ARL13B: variants seen among roughly 807,000 people sequenced by gnomAD.
The protein encoded by ARL13B is ADP-ribosylation factor-like protein 13B.
In ARL13B, 36 loss-of-function variants were observed where a neutral mutation model predicts 56.1. That is an observed-to-expected ratio of 0.64 (90% CI 0.49 to 0.85). The LOEUF is 0.85. Ranked by LOEUF, ARL13B falls within the 40% of genes least tolerant of loss-of-function variation. The pLI, the probability that ARL13B is intolerant of heterozygous loss-of-function variation, is 0.00. For missense variants in ARL13B, 519 were observed against 507.1 expected (o/e 1.02, Z -0.23); for synonymous variants, 178 against 171.1 (o/e 1.04, Z -0.32).
intron 5 of ARL13B, 99 bp downstream of exon 5, chr3:94,036,853 CTGTGT>C: frequency 2.2e-6 from 3 of 1,359,710 alleles, no homozygotes; most frequent in Non-Finnish European, 3.1e-6. Context: ...TTTCTTCTTT[CTGTGT>C]GAAGGAAGAC....
Position 94,003,805 on chromosome 3 carries a change from A to G in ARL13B, c.277A>G (p.Ile93Val). The G allele has an allele frequency of 1.9e-6, 3 of 1,613,776 alleles. No individual in the cohort carries two copies. The highest frequency in any genetic ancestry group is 2.2e-5 in the East Asian group (1 of 44,820). Residue 93 changes from isoleucine to valine, a missense_variant, in exon 3 of 10, where the codon ATA (isoleucine) becomes GTA (valine). Ile to Val is a conservative substitution (Grantham distance 29). Transcript: ENST00000394222. ...TTACTATGCTGAATCCTATGGGGTA[A>G]TATTTGTTGTGGATTCCAGTGATGA... Reference protein sequence around the residue: ...KNYYAESYGVIFVVDSSDEER... With the variant: ...KNYYAESYGVVFVVDSSDEER...
At chr3:93,993,873 A>G (rs2075919992) in intron 1 of ARL13B, among the ~76,000 whole-genome samples, 1 of 152,204 alleles carries the variant, frequency 6.6e-6, no homozygotes, top group South Asian at 2.1e-4. Flanking sequence ...CCATAAATCT[A>G]TAATCTGCTG....
intron 3 of ARL13B, among the ~76,000 whole-genome samples, chr3:94,010,740 T>A (rs1269627041): frequency 1.3e-5 from 2 of 152,070 alleles, no homozygotes; most frequent in East Asian, 3.8e-4. Context: ...TTGTGATGAT[T>A]TTTTTTGTGC....
intron 6 of ARL13B, 42 bp from the exon 7 acceptor site, chr3:94,042,973 A>G (rs1424940874): frequency 1.3e-6 from 2 of 1,493,498 alleles, no homozygotes; most frequent in Non-Finnish European, 1.8e-6. Flanking sequence ...TATCTTAGAT[A>G]AAACCATCAT....
At chr3:94,009,434 T>G (rs1205195350) in intron 3 of ARL13B, among the ~76,000 whole-genome samples, 1 of 152,112 alleles carries the variant, frequency 6.6e-6, no homozygotes, top group Non-Finnish European at 1.5e-5. Flanking sequence ...TATTCCGTAT[T>G]GTAAGTGCCC....
intron 6 of ARL13B, among the ~76,000 whole-genome samples, 187 bp downstream of exon 6, chr3:94,040,175 T>G (rs1438969196): frequency 6.6e-6 from 1 of 152,172 alleles, no homozygotes; most frequent in Non-Finnish European, 1.5e-5. Flanking sequence ...TAAATTACCT[T>G]TGAATCTAGT....
chr3:94,045,006 A>T (rs1298096217), intron 7 of ARL13B, among the ~76,000 whole-genome samples: 1 of 152,206 alleles, frequency 6.6e-6, no homozygotes, highest in Non-Finnish European at 1.5e-5. Flanking sequence ...CGAAAAGAAA[A>T]GGGGGAAATG....
intron 1 of ARL13B, among the ~76,000 whole-genome samples, chr3:93,991,481 C>T (rs2075873805): frequency 6.6e-6 from 1 of 152,096 alleles, no homozygotes; most frequent in African/African-American, 2.4e-5. Flanking sequence ...CTCAAGTGAT[C>T]CTCCCACCTC....
Position 94,053,228 on chromosome 3 carries a change from C to T in ARL13B, c.1252C>T (p.Arg418Ter), listed in dbSNP as rs779260568. 25 of 1,613,110 alleles carry T rather than the reference C, an allele frequency of 1.5e-5. No individual in the cohort carries two copies. Among genetic ancestry groups the T allele is most frequent in the Admixed American group, 1.3e-4 (8 of 59,962 alleles). The stretch of plus-strand genomic sequence containing the variant: ...ACTGCCTCCCCTGGCTGTGCCACAG[C>T]GACCTAACAGTGATGCTCATGATGT... ...KPLPPLAVPQRPNSDAHDVIS is the reference protein window; with the variant it reads ...KPLPPLAVPQ The change falls in exon 10 of 10, where the codon CGA (arginine) becomes TGA (stop). Residue 418 changes from arginine to a stop codon, truncating the protein, a stop_gained. Coordinates refer to ENST00000394222, the MANE Select transcript of ARL13B (RefSeq NM_001174150.2). LOFTEE classifies it high-confidence loss of function.
At chr3:94,008,678 T>A (rs2078979780) in intron 3 of ARL13B, among the ~76,000 whole-genome samples, 2 of 152,276 alleles carry the variant, frequency 1.3e-5, no homozygotes, top group African/African-American at 4.8e-5. Flanking sequence ...GTCTTAAAAG[T>A]TGGCCTCAGA....
At chr3:94,011,300 G>A (rs936176692) in intron 3 of ARL13B, among the ~76,000 whole-genome samples, 2 of 152,040 alleles carry the variant, frequency 1.3e-5, no homozygotes, top group Non-Finnish European at 2.9e-5. Context: ...GCTAAACATC[G>A]ATAGATTAGT....
intron 3 of ARL13B, among the ~76,000 whole-genome samples, chr3:94,022,492 C>T (rs1246579760): frequency 6.6e-6 from 1 of 152,026 alleles, no homozygotes; most frequent in Non-Finnish European, 1.5e-5. Flanking sequence ...TCTTCTCTCA[C>T]ACCCCCATTC....
At chr3:94,023,998 T>C (rs12629037) in intron 3 of ARL13B, among the ~76,000 whole-genome samples, 10,469 of 152,220 alleles carry the variant, frequency 0.069, 549 homozygotes, top group South Asian at 0.12. Flanking sequence ...CTAAGAAATA[T>C]TGCATTTTAT....
intron 3 of ARL13B, among the ~76,000 whole-genome samples, chr3:94,004,351 C>G (rs2076099398): frequency 6.6e-6 from 1 of 152,080 alleles, no homozygotes; most frequent in South Asian, 2.1e-4. Context: ...GTTTTCACAT[C>G]TACATTTCCA....
Position 94,055,421 on chromosome 3 carries a change from A to G in ARL13B, c.*2158A>G. On this transcript the variant is annotated 3_prime_UTR_variant, in exon 10 of 10. Transcript: ENST00000394222. ...TGCATTTTTTTGATACTTTACACAC[A>G]AAACTTTTTTCTCTCTGCAAGTTTT... 2.2e-6 allele frequency: 1 copy of G among 452,774 alleles called. No individual in the cohort carries two copies. Among genetic ancestry groups the G allele is most frequent in the South Asian group, 1.6e-5 (1 of 64,254 alleles). 28.0% of individuals were successfully genotyped at this position (452,774 alleles called of 1,614,324 possible). A position where few individuals can be genotyped will look rare whatever the true frequency, so the allele number is the denominator to read the frequency against.
intron 9 of ARL13B, 136 bp downstream of exon 9, chr3:94,051,028 G>A (rs1427286265): frequency 1.4e-5 from 10 of 718,816 alleles, no homozygotes; most frequent in African/African-American, 5.4e-5. Flanking sequence ...TTCATTATAC[G>A]TCTTTTTTCA....
chr3:94,014,342 T>C lies in ARL13B; in HGVS notation c.380+10434T>C, dbSNP rs201841330. 1.8e-4 allele frequency: 261 copies of C among 1,459,938 alleles called. 2 individuals carry two copies. The African/African-American group carries it at 3.3e-3, about 19-fold the overall frequency. 90.4% of individuals were successfully genotyped at this position (1,459,938 alleles called of 1,614,324 possible). The stretch of plus-strand genomic sequence containing the variant: ...CAATACAAGACACTGAAATATAAGC[T>C]ATCTTTTACCGTAAAGCTGGAAAAA... On this transcript the variant is annotated intron_variant, in intron 3 of 9. Coordinates refer to ENST00000394222, the MANE Select transcript of ARL13B (RefSeq NM_001174150.2).
chr3:94,010,584 T>C (rs772789330), intron 3 of ARL13B, among the ~76,000 whole-genome samples: 1 of 152,070 alleles, frequency 6.6e-6, no homozygotes, highest in African/African-American at 2.4e-5. Context: ...GAAAAAATAA[T>C]GACTTTTAGT....
intron 3 of ARL13B, chr3:94,014,733 T>C (rs1310395036): frequency 1.9e-6 from 3 of 1,613,092 alleles, no homozygotes; most frequent in African/African-American, 1.3e-5. Context: ...TTACATCTTC[T>C]TCAGACATCT....
Sources: allele counts gnomAD v4.1 joint callset (sites outside exome capture counted in the v4.1 genomes callset), GRCh38; gene constraint gnomAD v4.1.1; transcripts MANE v1.5; gene names NCBI Gene and HGNC (gene_info 2026-07-23, HGNC 2026-07-21).